CEP83: variants seen among roughly 807,000 people sequenced by gnomAD.
The protein encoded by CEP83 is centrosomal protein of 83 kDa.
CEP83 carries 70 observed loss-of-function variants against 101.9 expected under a neutral mutation model. That is an observed-to-expected ratio of 0.69 (90% confidence interval 0.57 to 0.84). CEP83 has a LOEUF of 0.84. Ranked by LOEUF, CEP83 falls within the 40% of genes least tolerant of loss-of-function variation. CEP83 has a pLI of 0.00. For missense variants in CEP83, 715 were observed against 787.2 expected (o/e 0.91, Z 1.10); for synonymous variants, 264 against 267.9 (o/e 0.99, Z 0.14).
chr12:94,460,033 A>C (rs2068037411), upstream of CEP83: 1 of 152,468 alleles, frequency 6.6e-6, no homozygotes, highest in Non-Finnish European at 1.5e-5. Flanking sequence ...TTGCTGCCGG[A>C]GCCGTTAGAG....
chr12:94,388,298 A>G (rs2062283275), intron 6 of CEP83, among the ~76,000 whole-genome samples: 1 of 152,236 alleles, frequency 6.6e-6, no homozygotes. Flanking sequence ...ACAGCTGGAG[A>G]CTATCATCCA....
chr12:94,373,988 A>G (rs548821130), intron 8 of CEP83, among the ~76,000 whole-genome samples: 1 of 152,346 alleles, frequency 6.6e-6, no homozygotes, highest in African/African-American at 2.4e-5. Flanking sequence ...GATGGTATTT[A>G]ATACTCCATT....
intron 11 of CEP83, among the ~76,000 whole-genome samples, chr12:94,356,674 T>C (rs1016767847): frequency 3.9e-5 from 6 of 152,256 alleles, no homozygotes; most frequent in African/African-American, 1.4e-4. Flanking sequence ...TAAGTCAATA[T>C]GGACCAGGTT....
chr12:94,341,315 A>G (rs1014121228), intron 11 of CEP83, among the ~76,000 whole-genome samples: 1 of 152,216 alleles, frequency 6.6e-6, no homozygotes, highest in African/African-American at 2.4e-5. Context: ...ACAGATATAT[A>G]TTATTTGTAA....
the CEP83 span, among the ~76,000 whole-genome samples, chr12:94,267,465 T>C: frequency 6.6e-6 from 1 of 152,176 alleles, no homozygotes; most frequent in African/African-American, 2.4e-5. Flanking sequence ...CTCTTGAAAT[T>C]TTTTTTTCTT....
intron 6 of CEP83, among the ~76,000 whole-genome samples, chr12:94,382,783 T>C (rs2061921530): frequency 1.3e-5 from 2 of 152,016 alleles, no homozygotes; most frequent in South Asian, 4.1e-4. Context: ...CTATCTTGTA[T>C]ATGTTCAGTG....
chr12:94,371,555 T>C (rs2061311484), intron 8 of CEP83, among the ~76,000 whole-genome samples: 1 of 152,146 alleles, frequency 6.6e-6, no homozygotes, highest in Admixed American at 6.5e-5. Flanking sequence ...TGATATATTA[T>C]CCAAATATAT....
intron 4 of CEP83, among the ~76,000 whole-genome samples, chr12:94,406,104 T>C (rs954659264): frequency 1.3e-5 from 2 of 152,102 alleles, no homozygotes; most frequent in Non-Finnish European, 2.9e-5. Flanking sequence ...GCCTCAGTGG[T>C]GGGAAATAAT....
At chr12:94,366,777 G>T (rs1238173628) in intron 11 of CEP83, among the ~76,000 whole-genome samples, 1 of 152,100 alleles carries the variant, frequency 6.6e-6, no homozygotes, top group Non-Finnish European at 1.5e-5. Flanking sequence ...AAGCACCTCA[G>T]ATAAATGTTT....
Position 94,335,590 on chromosome 12 carries a change from T to G in CEP83, c.1418A>C (p.Gln473Pro), listed in dbSNP as rs778628639. 6.5e-7 allele frequency: 1 copy of G among 1,548,864 alleles called. No individual in the cohort carries two copies. Among genetic ancestry groups the G allele is most frequent in the South Asian group, 1.2e-5 (1 of 84,550 alleles). ...KEKNENSDLK[Q>P]QISSLQIQVT... ...GGAAAATCTTCGCTAAAATCATACC[T>G]GTTTTAGGTCAGAATTTTCATTTTT... Residue 473 changes from glutamine to proline, a missense_variant and splice_region_variant, in exon 12 of 17, where the codon CAG (glutamine) becomes CCG (proline). By Grantham distance (76) the Gln-to-Pro change is moderately conservative (BLOSUM62 -1). Transcript: ENST00000397809.
intron 14 of CEP83, among the ~76,000 whole-genome samples, chr12:94,323,040 C>T (rs967007928): frequency 4.6e-5 from 7 of 152,162 alleles, no homozygotes; most frequent in South Asian, 4.1e-4. Context: ...TGGCAGCCCA[C>T]CCCTCCCTCT....
At chr12:94,397,749 T>C (rs2062991210) in intron 6 of CEP83, among the ~76,000 whole-genome samples, 1 of 152,202 alleles carries the variant, frequency 6.6e-6, no homozygotes, top group Non-Finnish European at 1.5e-5. Flanking sequence ...CTTAGGGTTT[T>C]CTCTTCAATA....
chr12:94,370,955 G>C (rs2061275282), intron 8 of CEP83, among the ~76,000 whole-genome samples: 1 of 152,076 alleles, frequency 6.6e-6, no homozygotes, highest in African/African-American at 2.4e-5. Flanking sequence ...ATGTATTCCA[G>C]CCTGGGCAAC....
At chr12:94,365,161 G>C (rs1318268539) in intron 11 of CEP83, among the ~76,000 whole-genome samples, 1 of 151,702 alleles carries the variant, frequency 6.6e-6, no homozygotes, top group Non-Finnish European at 1.5e-5. Context: ...TTTTAAGCAA[G>C]GGAAAAAAGG....
At chr12:94,312,776 A>G in intron 15 of CEP83, 138 bp downstream of exon 15, 1 of 1,275,142 alleles carries the variant, frequency 7.8e-7, no homozygotes, top group South Asian at 2.3e-5. Flanking sequence ...AAAGGATAGT[A>G]CATTAGGAGT....
chr12:94,433,547 A>G (rs2065792559), intron 2 of CEP83, among the ~76,000 whole-genome samples: 1 of 151,876 alleles, frequency 6.6e-6, no homozygotes, highest in African/African-American at 2.4e-5. Context: ...CCGGTGTGGT[A>G]GCATGTGCCT....
intron 7 of CEP83, among the ~76,000 whole-genome samples, chr12:94,377,039 C>T (rs2061590555): frequency 6.6e-6 from 1 of 152,114 alleles, no homozygotes; most frequent in South Asian, 2.1e-4. Context: ...CCACACCTGA[C>T]CTCAACATAA....
intron 1 of CEP83, among the ~76,000 whole-genome samples, chr12:94,457,976 C>A (rs1006150479): frequency 6.6e-6 from 1 of 152,050 alleles, no homozygotes; most frequent in East Asian, 1.9e-4. Context: ...GTGGGCAGAT[C>A]GCCTGAAGTC....
intron 1 of CEP83, among the ~76,000 whole-genome samples, chr12:94,459,141 A>T (rs2067942828): frequency 6.6e-6 from 1 of 152,222 alleles, no homozygotes; most frequent in African/African-American, 2.4e-5. Context: ...TAAGAGCAAA[A>T]TGCCCATTGA....
Sources: gnomAD v4.1 joint callset for allele counts (sites outside exome capture counted in the v4.1 genomes callset) on GRCh38, gnomAD v4.1.1 for gene constraint, MANE v1.5 for transcripts, NCBI Gene and HGNC (gene_info 2026-07-23, HGNC 2026-07-21) for gene names.